DLGAP2: variants seen among roughly 807,000 people sequenced by gnomAD.
DLGAP2 encodes the protein disks large-associated protein 2.
In DLGAP2, 26 loss-of-function variants were observed where a neutral mutation model predicts 100.3. That is an observed-to-expected ratio of 0.26 (90% CI 0.19 to 0.36). The LOEUF is 0.36. DLGAP2 is among the 10% of genes least tolerant of loss of function. DLGAP2 has a pLI of 1.00. For synonymous variants in DLGAP2, 886 were observed against 630.1 expected (o/e 1.41, Z -6.08); for missense variants, 1,858 against 1,453.2 (o/e 1.28, Z -4.53).
chr8:973,548 C>T (rs1800078114), intron 2 of DLGAP2, among the ~76,000 whole-genome samples: 3 of 152,274 alleles, frequency 2.0e-5, no homozygotes, highest in Admixed American at 2.0e-4. Context: ...TCACTTCTTT[C>T]CAGATGGGGT....
In DLGAP2 at chr8:909,289, A is replaced by T. The variant is rs186356576; in HGVS notation, c.73+1323A>T. ...TCACATGTGTAAAAAAGATTTTTGC[A>T]ACTGTGTCCATCAAAGTCAGCATCA... On this transcript the variant is annotated intron_variant, in intron 2 of 14. Coordinates refer to ENST00000637795, the MANE Select transcript of DLGAP2 (RefSeq NM_001346810.2). Among the ~76,000 whole-genome samples, 7 of 152,340 alleles carry T rather than the reference A, an allele frequency of 4.6e-5. No homozygotes were observed. The East Asian group carries it at 1.4e-3, about 29-fold the overall frequency.
At chr8:770,228 G>A (rs1032405003) in intron 1 of DLGAP2, among the ~76,000 whole-genome samples, 1 of 152,156 alleles carries the variant, frequency 6.6e-6, no homozygotes, top group Admixed American at 6.5e-5. Flanking sequence ...GCTGCGGAAT[G>A]CTCATCTCGT....
intron 3 of DLGAP2, among the ~76,000 whole-genome samples, chr8:1,494,623 G>A (rs1410584481): frequency 6.6e-6 from 1 of 152,164 alleles, no homozygotes; most frequent in African/African-American, 2.4e-5. Context: ...CACCTATTGG[G>A]CGTCTGAGGC....
At chr8:1,334,390 C>T (rs1350099563) in intron 3 of DLGAP2, among the ~76,000 whole-genome samples, 1 of 152,306 alleles carries the variant, frequency 6.6e-6, no homozygotes, top group Non-Finnish European at 1.5e-5. Flanking sequence ...CAAAACCAAC[C>T]ACATCAAATG....
chr8:1,064,558 G>T (rs904823663), intron 2 of DLGAP2, among the ~76,000 whole-genome samples: 1 of 152,188 alleles, frequency 6.6e-6, no homozygotes, highest in Non-Finnish European at 1.5e-5. Context: ...ACCTGCAGTT[G>T]TTGTTTTCTA....
At chr8:795,644 AGC>A (rs1383637711) in intron 1 of DLGAP2, among the ~76,000 whole-genome samples, 6 of 133,076 alleles carry the variant, frequency 4.5e-5, no homozygotes, top group African/African-American at 1.6e-4. Context: ...GTCCAGTGAG[AGC>A]AGGCGTCCAG....
chr8:1,508,223 G>A (rs975139163), intron 4 of DLGAP2, among the ~76,000 whole-genome samples: 19 of 150,390 alleles, frequency 1.3e-4, no homozygotes, highest in African/African-American at 4.2e-4. Flanking sequence ...AACATCACGC[G>A]TCCCATTCTG....
At chr8:1,455,283 C>T (rs1323738126) in intron 3 of DLGAP2, among the ~76,000 whole-genome samples, 2 of 152,250 alleles carry the variant, frequency 1.3e-5, no homozygotes, top group Non-Finnish European at 2.9e-5. Context: ...CACTGATTCT[C>T]ATGCGCTGGG....
chr8:783,895 A>T (rs1212667462), intron 1 of DLGAP2, among the ~76,000 whole-genome samples: 8 of 152,194 alleles, frequency 5.3e-5, no homozygotes, highest in Admixed American at 5.2e-4. Flanking sequence ...CTTGCTTTCA[A>T]CATAATTAAA....
At chr8:1,536,386 T>C (rs1472218379) in intron 4 of DLGAP2, among the ~76,000 whole-genome samples, 4 of 152,122 alleles carry the variant, frequency 2.6e-5, no homozygotes, top group Non-Finnish European at 4.4e-5. Flanking sequence ...AGAACCAATA[T>C]CTTATTCATT....
At position 1,706,869 on chromosome 8, in the gene DLGAP2, T is replaced by C. The variant is rs1799720100; in HGVS notation, c.*5463T>C. ...GTTTGTAATTTTTCTACTTCGCACT[T>C]GAGAGAAGGCAGAGGTGGTCCGTGG... On this transcript the variant is annotated 3_prime_UTR_variant, in exon 15 of 15. Transcript: ENST00000637795. 1 of 152,190 alleles carries C rather than the reference T, an allele frequency of 6.6e-6. No homozygotes were observed. Among genetic ancestry groups the C allele is most frequent in the Non-Finnish European group, 1.5e-5 (1 of 68,044 alleles). 9.4% of individuals were successfully genotyped at this position (152,190 alleles called of 1,614,324 possible). A position where few individuals can be genotyped will look rare whatever the true frequency, so the allele number is the denominator to read the frequency against.
At chr8:1,598,630 A>C (rs1318992229) in intron 6 of DLGAP2, among the ~76,000 whole-genome samples, 1 of 152,098 alleles carries the variant, frequency 6.6e-6, no homozygotes, top group Non-Finnish European at 1.5e-5. Flanking sequence ...AGTTTCTTCT[A>C]GATTTTCTAG....
At chr8:1,511,424 A>G (rs1254551660) in intron 4 of DLGAP2, among the ~76,000 whole-genome samples, 3 of 143,828 alleles carry the variant, frequency 2.1e-5, no homozygotes, top group African/African-American at 7.7e-5. Context: ...CTAGTGTAGG[A>G]CAATCAGTAG....
At chr8:820,786 A>T (rs925215720) in intron 1 of DLGAP2, among the ~76,000 whole-genome samples, 1 of 152,220 alleles carries the variant, frequency 6.6e-6, no homozygotes, top group Non-Finnish European at 1.5e-5. Flanking sequence ...TTCTTAGGAA[A>T]TGGGAAAATT....
intron 2 of DLGAP2, among the ~76,000 whole-genome samples, chr8:1,177,764 G>A (rs140311852): frequency 6.6e-6 from 1 of 152,272 alleles, no homozygotes; most frequent in Non-Finnish European, 1.5e-5. Flanking sequence ...TTCCTGGTGT[G>A]TAGACCACAC....
chr8:1,156,916 G>T (rs1428890287), intron 2 of DLGAP2, among the ~76,000 whole-genome samples: 1 of 152,134 alleles, frequency 6.6e-6, no homozygotes, highest in Non-Finnish European at 1.5e-5. Context: ...CGTCCACTCA[G>T]GGTTCCCAGT....
Position 1,346,213 on chromosome 8 carries a change from T to C in DLGAP2, c.106+87330T>C, listed in dbSNP as rs544094366. Among the ~76,000 whole-genome samples the C allele has an allele frequency of 2.0e-5, 3 of 152,320 alleles. No individual in the cohort carries two copies. In the South Asian group the frequency reaches 6.2e-4, roughly 32 times the overall value. ...AGAGCTGCATTGCACTCACGGTAGC[T>C]GTGTGGAGGTTGAGTTCCCCGTACA... On this transcript the variant is annotated intron_variant, in intron 3 of 14. Coordinates refer to ENST00000637795, the MANE Select transcript of DLGAP2 (RefSeq NM_001346810.2).
intron 13 of DLGAP2, among the ~76,000 whole-genome samples, chr8:1,695,382 G>C (rs1379840976): frequency 1.0e-4 from 14 of 139,904 alleles, no homozygotes; most frequent in African/African-American, 3.3e-4. Flanking sequence ...CCTACAGAAA[G>C]AGGGGGCACA....
At chr8:1,095,652 C>T (rs1398396905) in intron 2 of DLGAP2, among the ~76,000 whole-genome samples, 1 of 152,206 alleles carries the variant, frequency 6.6e-6, no homozygotes, top group Admixed American at 6.5e-5. Flanking sequence ...TGAGGACTGG[C>T]TGTAATTACT....
Sources: gnomAD v4.1 joint callset for allele counts (sites outside exome capture counted in the v4.1 genomes callset) on GRCh38, gnomAD v4.1.1 for gene constraint, MANE v1.5 for transcripts, NCBI Gene and HGNC (gene_info 2026-07-23, HGNC 2026-07-21) for gene names.